The following SLC25A26 variants were observed in gnomAD, a reference collection of about 807,000 sequenced individuals.
The protein encoded by SLC25A26 is solute carrier family 25 member 26, also known as mitochondrial S-adenosylmethionine carrier protein.
A neutral mutation model predicts 37.8 loss-of-function variants in SLC25A26; 36 were observed. That is an observed-to-expected ratio of 0.95 (90% CI 0.73 to 1.26). SLC25A26 has a LOEUF of 1.26. Ranked by LOEUF, SLC25A26 falls within the 50% of genes most tolerant of loss-of-function variation. SLC25A26 has a pLI of 0.00. For synonymous variants in SLC25A26, 129 were observed against 122.5 expected (o/e 1.05, Z -0.35); for missense variants, 390 against 331.1 (o/e 1.18, Z -1.38).
Position 66,290,417 on chromosome 3 carries a change from C to A in SLC25A26, c.453+27038C>A, listed in dbSNP as rs576587677. Among the ~76,000 whole-genome samples, 5 of 152,236 alleles carry A rather than the reference C, an allele frequency of 3.3e-5. No homozygotes were observed. The South Asian group carries it at 1.0e-3, about 32-fold the overall frequency. On this transcript the variant is annotated intron_variant, in intron 5 of 9. Transcript: ENST00000354883. ...CAGTTTTCAAAGGGAATGCTTCCAG[C>A]TTTTGGTCATTCAATATGATACAGG...
intron 1 of SLC25A26, among the ~76,000 whole-genome samples, chr3:66,151,031 T>A (rs2070200801): frequency 6.6e-6 from 1 of 152,066 alleles, no homozygotes; most frequent in Admixed American, 6.6e-5. Context: ...AAGCAGGTAC[T>A]GTCCTTATGC....
At chr3:66,197,978 G>A (rs1252008112) in intron 1 of SLC25A26, among the ~76,000 whole-genome samples, 1 of 152,082 alleles carries the variant, frequency 6.6e-6, no homozygotes, top group African/African-American at 2.4e-5. Context: ...ATCAGGATAA[G>A]CATAAGGATA....
chr3:66,323,581 G>A (rs988000880), intron 5 of SLC25A26, among the ~76,000 whole-genome samples: 2 of 152,142 alleles, frequency 1.3e-5, no homozygotes, highest in Non-Finnish European at 2.9e-5. Flanking sequence ...CGAGGCAGGC[G>A]GATTGGTTGA....
intron 5 of SLC25A26, among the ~76,000 whole-genome samples, chr3:66,290,114 TTATC>T (rs1421009569): frequency 1.3e-5 from 2 of 151,712 alleles, no homozygotes; most frequent in East Asian, 1.9e-4. Context: ...ATTTGGCTGT[TTATC>T]TATTATTGGT....
chr3:66,241,742 A>T (rs951787528), intron 2 of SLC25A26, among the ~76,000 whole-genome samples: 4 of 152,100 alleles, frequency 2.6e-5, no homozygotes, highest in African/African-American at 9.7e-5. Context: ...CTAAGTACAG[A>T]ACTTCACTGT....
At position 66,208,885 on chromosome 3, in the gene SLC25A26, T is replaced by C. The variant is rs1286888479; in HGVS notation, c.-353-11857T>C. On this transcript the variant is annotated intron_variant, in intron 1 of 10. Transcript: ENST00000676754. ...ATGGGTGTGTGTATATATATATATA[T>C]ACACCTTTATATGGGTATATATATA... Among the ~76,000 whole-genome samples the C allele has an allele frequency of 1.7e-3, 184 of 105,598 alleles. 5 individuals carry two copies. The highest frequency in any genetic ancestry group is 3.1e-3 in the Non-Finnish European group (161 of 52,244). 69.3% of individuals were successfully genotyped at this position (105,598 alleles called of 152,430 possible).
intron 9 of SLC25A26, among the ~76,000 whole-genome samples, chr3:66,376,758 A>AAAAGGTTC (rs1308261913): frequency 6.6e-6 from 1 of 152,206 alleles, no homozygotes. Flanking sequence ...ACTCTTGGTG[A>AAAAGGTTC]AAAGGTTCAA....
intron 1 of SLC25A26, among the ~76,000 whole-genome samples, chr3:66,214,451 G>A (rs1309850584): frequency 6.6e-6 from 1 of 152,004 alleles, no homozygotes; most frequent in African/African-American, 2.4e-5. Context: ...TATTACATAT[G>A]GCCACATTGC....
chr3:66,291,616 G>A (rs1047074483), intron 5 of SLC25A26, among the ~76,000 whole-genome samples: 1 of 152,184 alleles, frequency 6.6e-6, no homozygotes. Context: ...GTGCGGTTTT[G>A]AATGAGTTTC....
rs544672144 is a variant in SLC25A26 at position 66,148,866 on chromosome 3, C to T, written c.-354+14882C>T. Among the ~76,000 whole-genome samples, 135 of 152,290 alleles carry T rather than the reference C, an allele frequency of 8.9e-4. 2 individuals are homozygous for T. The highest frequency in any genetic ancestry group is 3.2e-3 in the African/African-American group (133 of 41,560). Reference sequence around the variant, plus strand: ...AGCCACTGTGCCTGGACAAAATAAACTTTACGTGTCTACCAGAGACCACTT... The same window carrying T: ...AGCCACTGTGCCTGGACAAAATAAATTTTACGTGTCTACCAGAGACCACTT... On this transcript the variant is annotated intron_variant, in intron 1 of 10. Transcript: ENST00000676754.
chr3:66,215,151 C>G (rs1300166261), intron 1 of SLC25A26, among the ~76,000 whole-genome samples: 2 of 152,078 alleles, frequency 1.3e-5, no homozygotes, highest in African/African-American at 4.8e-5. Flanking sequence ...AAAACAAAAA[C>G]AAAAATGTAA....
At chr3:66,325,457 A>G (rs1478967454) in intron 5 of SLC25A26, among the ~76,000 whole-genome samples, 1 of 152,230 alleles carries the variant, frequency 6.6e-6, no homozygotes, top group African/African-American at 2.4e-5. Context: ...CCTAGTTCAC[A>G]GTCTGGTAAA....
At chr3:66,173,482 GT>G (rs2070530159) in intron 1 of SLC25A26, among the ~76,000 whole-genome samples, 1 of 152,316 alleles carries the variant, frequency 6.6e-6, no homozygotes, top group East Asian at 1.9e-4. Flanking sequence ...TAAGCCGGGA[GT>G]GGATGTTTAA....
At chr3:66,259,296 A>G (rs1031248314) in intron 3 of SLC25A26, among the ~76,000 whole-genome samples, 3 of 152,084 alleles carry the variant, frequency 2.0e-5, no homozygotes, top group East Asian at 1.9e-4. Context: ...GGGTGTTACT[A>G]TCTGGTTTTA....
intron 6 of SLC25A26, among the ~76,000 whole-genome samples, chr3:66,357,299 A>G (rs1192781854): frequency 6.6e-6 from 1 of 152,216 alleles, no homozygotes; most frequent in East Asian, 1.9e-4. Context: ...CCATAGTCCC[A>G]GTTACTCAGG....
chr3:66,143,097 A>G lies in SLC25A26; in HGVS notation c.-354+9113A>G, dbSNP rs79582480. Among the ~76,000 whole-genome samples the G allele has an allele frequency of 7.8e-3, 1,182 of 152,226 alleles. 14 individuals carry two copies. Among genetic ancestry groups the G allele is most frequent in the African/African-American group, 0.027 (1,119 of 41,550 alleles). Reference sequence around the variant, plus strand: ...GTCTTTTATTGCAAGCGCCTCAGCTATGAACCTAGCAATGGGTTAGAAAAT... The same window carrying G: ...GTCTTTTATTGCAAGCGCCTCAGCTGTGAACCTAGCAATGGGTTAGAAAAT... On this transcript the variant is annotated intron_variant, in intron 1 of 10. Coordinates refer to the SLC25A26 transcript ENST00000676754.
chr3:66,213,075 A>T (rs1363726313), intron 1 of SLC25A26, among the ~76,000 whole-genome samples: 1 of 152,264 alleles, frequency 6.6e-6, no homozygotes, highest in Non-Finnish European at 1.5e-5. Context: ...AACGTGACTA[A>T]GGAATGTTAC....
intron 7 of SLC25A26, among the ~76,000 whole-genome samples, chr3:66,367,707 C>CAGAG (rs71616221): frequency 0.015 from 1,998 of 136,852 alleles, 27 homozygotes; most frequent in Non-Finnish European, 0.016. Flanking sequence ...CAGACAGACA[C>CAGAG]AGAGAGAGAG....
chr3:66,293,509 T>G (rs1006245221), intron 5 of SLC25A26, among the ~76,000 whole-genome samples: 4 of 152,038 alleles, frequency 2.6e-5, no homozygotes, highest in African/African-American at 9.7e-5. Flanking sequence ...CCATTAGTTT[T>G]TTTTTTTTTT....
Sources: allele counts gnomAD v4.1 joint callset (sites outside exome capture counted in the v4.1 genomes callset), GRCh38; gene constraint gnomAD v4.1.1; transcripts MANE v1.5; gene names NCBI Gene and HGNC (gene_info 2026-07-23, HGNC 2026-07-21).